TMEM132C: variants seen among roughly 807,000 people sequenced by gnomAD.
The protein encoded by TMEM132C is transmembrane protein 132C, also known as protein phosphatase 1, regulatory subunit 152.
In TMEM132C, 29 loss-of-function variants were observed where a neutral mutation model predicts 61.4. The observed-to-expected ratio is 0.47, with a 90% CI of 0.35 to 0.64. The LOEUF (loss-of-function observed/expected upper bound fraction) is 0.64. Ranked by LOEUF, TMEM132C falls within the 30% of genes least tolerant of loss-of-function variation. The pLI, the probability that TMEM132C is intolerant of heterozygous loss-of-function variation, is 0.00. For synonymous variants in TMEM132C, 656 were observed against 633.1 expected, an observed-to-expected ratio of 1.04 and a Z score of -0.54; for missense variants, 1,408 against 1,476.9, an observed-to-expected ratio of 0.95 and a Z score of 0.76.
chr12:128,496,346 G>A (rs1419376006), intron 2 of TMEM132C, among the ~76,000 whole-genome samples: 9 of 152,120 alleles, frequency 5.9e-5, no homozygotes, highest in South Asian at 4.2e-4. Context: ...TCTTTGTGGC[G>A]TTCTCTGTAT....
At chr12:128,495,935 C>G (rs1871938095) in intron 2 of TMEM132C, among the ~76,000 whole-genome samples, 1 of 152,172 alleles carries the variant, frequency 6.6e-6, no homozygotes, top group Non-Finnish European at 1.5e-5. Context: ...CCTCGATGGT[C>G]TTTACAACTT....
intron 1 of TMEM132C, among the ~76,000 whole-genome samples, chr12:128,375,868 G>C (rs1309857351): frequency 6.6e-6 from 1 of 152,210 alleles, no homozygotes; most frequent in African/African-American, 2.4e-5. Context: ...GCAAGAGCGA[G>C]GGTGGCATAT....
intron 4 of TMEM132C, among the ~76,000 whole-genome samples, chr12:128,664,890 A>T (rs1254536358): frequency 6.6e-6 from 1 of 152,210 alleles, no homozygotes; most frequent in Non-Finnish European, 1.5e-5. Context: ...GGCCTCAACT[A>T]AAAAGGTATT....
intron 1 of TMEM132C, among the ~76,000 whole-genome samples, chr12:128,338,056 T>C (rs2135951018): frequency 6.6e-6 from 1 of 151,210 alleles, no homozygotes; most frequent in South Asian, 2.1e-4. Flanking sequence ...CTTGAAGTCC[T>C]TGCACTCCGA....
At chr12:128,287,158 C>A (rs2135904750) in intron 1 of TMEM132C, among the ~76,000 whole-genome samples, 1 of 152,216 alleles carries the variant, frequency 6.6e-6, no homozygotes, top group South Asian at 2.1e-4. Context: ...CTGTGCAGGG[C>A]TAGATGCCAG....
intron 1 of TMEM132C, among the ~76,000 whole-genome samples, chr12:128,406,256 C>T (rs1190247348): frequency 2.6e-5 from 4 of 152,152 alleles, no homozygotes; most frequent in Admixed American, 6.5e-5. Flanking sequence ...GAAGTGGCTT[C>T]GTCCCCCATC....
At chr12:128,673,136 C>T (rs1183352358) in intron 5 of TMEM132C, among the ~76,000 whole-genome samples, 1 of 152,168 alleles carries the variant, frequency 6.6e-6, no homozygotes, top group East Asian at 1.9e-4. Flanking sequence ...GTTTGTGTCC[C>T]ACCCTGAATT....
chr12:128,437,362 A>C (rs1412930198), intron 2 of TMEM132C, among the ~76,000 whole-genome samples: 2 of 152,330 alleles, frequency 1.3e-5, no homozygotes, highest in East Asian at 3.9e-4. Context: ...CTGAACAAGG[A>C]GGCTGGGCAT....
At chr12:128,357,167 G>T (rs1425918742) in intron 1 of TMEM132C, among the ~76,000 whole-genome samples, 1 of 152,104 alleles carries the variant, frequency 6.6e-6, no homozygotes, top group Non-Finnish European at 1.5e-5. Context: ...AGAAGTATCG[G>T]GTTACTTTGG....
chr12:128,506,436 G>T (rs1487261374), intron 2 of TMEM132C, among the ~76,000 whole-genome samples: 2 of 152,210 alleles, frequency 1.3e-5, no homozygotes, highest in Non-Finnish European at 2.9e-5. Context: ...GAGTAGATTT[G>T]CCATGACTGC....
intron 2 of TMEM132C, among the ~76,000 whole-genome samples, chr12:128,536,562 C>T (rs922133933): frequency 2.5e-4 from 38 of 151,650 alleles, no homozygotes; most frequent in African/African-American, 9.0e-4. Context: ...GTGTGGCTGG[C>T]ATGCTATTGC....
chr12:128,409,062 G>T (rs567128337), intron 1 of TMEM132C, among the ~76,000 whole-genome samples: 2 of 152,246 alleles, frequency 1.3e-5, no homozygotes, highest in East Asian at 1.9e-4. Flanking sequence ...TTTTCTGGGG[G>T]TTTTAAAAAA....
chr12:128,510,005 CAG>C (rs1193433274), intron 2 of TMEM132C, among the ~76,000 whole-genome samples: 1 of 152,122 alleles, frequency 6.6e-6, no homozygotes. Flanking sequence ...CTGGAGGAAA[CAG>C]AGGCTGAGTT....
chr12:128,466,502 G>T (rs1459362008), intron 2 of TMEM132C, among the ~76,000 whole-genome samples: 1 of 152,182 alleles, frequency 6.6e-6, no homozygotes, highest in Non-Finnish European at 1.5e-5. Flanking sequence ...ACCAGGTCAT[G>T]ACTTTTTTGC....
At chr12:128,580,117 C>T (rs1471138882) in intron 3 of TMEM132C, among the ~76,000 whole-genome samples, 2 of 152,074 alleles carry the variant, frequency 1.3e-5, no homozygotes, top group Non-Finnish European at 2.9e-5. Context: ...CCTCAGTTCC[C>T]CCATCTGTAA....
chr12:128,303,228 A>C (rs1871653431), intron 1 of TMEM132C, among the ~76,000 whole-genome samples: 2 of 152,352 alleles, frequency 1.3e-5, no homozygotes, highest in South Asian at 4.1e-4. Context: ...TATTCTTTAA[A>C]AGAAAGGATA....
chr12:128,381,672 G>A (rs560735216), intron 1 of TMEM132C, among the ~76,000 whole-genome samples: 10 of 152,202 alleles, frequency 6.6e-5, no homozygotes, highest in Non-Finnish European at 1.3e-4. Flanking sequence ...CTGGGCTGCA[G>A]CAGAGTAGAG....
chr12:128,307,278 T>C (rs1046464555), intron 1 of TMEM132C, among the ~76,000 whole-genome samples: 2 of 152,146 alleles, frequency 1.3e-5, no homozygotes, highest in Non-Finnish European at 2.9e-5. Flanking sequence ...TGGGGTGTTA[T>C]CATGAAGGGA....
chr12:128,552,566 C>T (rs542418635), intron 3 of TMEM132C, among the ~76,000 whole-genome samples: 9 of 152,264 alleles, frequency 5.9e-5, no homozygotes, highest in African/African-American at 2.2e-4. Flanking sequence ...GGAGAAAATG[C>T]CTATCAGTTG....
Sources: allele counts gnomAD v4.1 joint callset (sites outside exome capture counted in the v4.1 genomes callset), GRCh38; gene constraint gnomAD v4.1.1; transcripts MANE v1.5; gene names NCBI Gene and HGNC (gene_info 2026-07-23, HGNC 2026-07-21).